The following RAD9B variants were observed in gnomAD, a reference collection of about 807,000 sequenced individuals.
The protein encoded by RAD9B is RAD9 checkpoint clamp component B, also known as cell cycle checkpoint control protein RAD9B.
Under a neutral mutation model 48.3 loss-of-function variants are expected in RAD9B, and 41 were observed. That is an observed-to-expected ratio of 0.85 (90% CI 0.66 to 1.10). RAD9B has a LOEUF of 1.10. Among genes scored for constraint, RAD9B ranks in the 50% least tolerant of loss-of-function variants. The pLI, the probability that RAD9B is intolerant of heterozygous loss-of-function variation, is 0.00. For synonymous variants in RAD9B, 160 were observed against 157.9 expected, an observed-to-expected ratio of 1.01 and a Z score of -0.10; for missense variants, 444 against 485.1, an observed-to-expected ratio of 0.92 and a Z score of 0.80.
In RAD9B at chr12:110,530,877, AAG is replaced by A; in HGVS notation, c.*227_*228del. 1 of 1,272,232 alleles carries A rather than the reference AAG, an allele frequency of 7.9e-7. No homozygotes were observed. The highest frequency in any genetic ancestry group is 2.3e-5 in the South Asian group (1 of 43,364). 78.8% of individuals were successfully genotyped at this position (1,272,232 alleles called of 1,614,324 possible). ...ATCCATTATGCTACTTGTGAGGCAGAAGAGTTTTCTGTGAAGGAAAAAAGCCC... is the reference window on the plus strand; with the variant it reads ...ATCCATTATGCTACTTGTGAGGCAGAAGTTTTCTGTGAAGGAAAAAAGCCC... On this transcript the variant is annotated 3_prime_UTR_variant, in exon 11 of 11. Coordinates refer to ENST00000409300, the MANE Select transcript of RAD9B (RefSeq NM_001286535.2).
At chr12:110,507,681 G>A (rs2063339935) in intron 4 of RAD9B, among the ~76,000 whole-genome samples, 1 of 147,978 alleles carries the variant, frequency 6.8e-6, no homozygotes, top group African/African-American at 2.5e-5. Flanking sequence ...ATGGAGTTTC[G>A]CTCTTGTTGC....
At chr12:110,507,861 G>A (rs1358932565) in intron 4 of RAD9B, among the ~76,000 whole-genome samples, 4 of 151,610 alleles carry the variant, frequency 2.6e-5, no homozygotes, top group Non-Finnish European at 5.9e-5. Context: ...TGTTGGTCAG[G>A]CAGGTCTGAA....
rs770368838 is a variant in RAD9B, at chr12:110,505,765, G to T, written c.266G>T (p.Gly89Val). 2 of 1,611,840 alleles carry T rather than the reference G, an allele frequency of 1.2e-6. No homozygotes were observed. Among genetic ancestry groups the T allele is most frequent in the Non-Finnish European group, 1.7e-6 (2 of 1,178,920 alleles). The change falls in exon 3 of 11, where the codon GGA becomes GTA. Residue 89 changes from glycine (G) to valine (V), a missense_variant. Coordinates refer to ENST00000409300, the MANE Select transcript of RAD9B (RefSeq NM_001286535.2). ...DTTLHLKCKL[G>V]MKSILPIFRC... ...ACACTGCATTTAAAATGCAAATTGGGAATGAAGGTAAATATAAGTGGCCCT... is the reference window on the plus strand; with the variant it reads ...ACACTGCATTTAAAATGCAAATTGGTAATGAAGGTAAATATAAGTGGCCCT...
rs536125097 is a variant in RAD9B, at chr12:110,530,339, G to A, written c.1126-186G>A. On this transcript the variant is annotated intron_variant, in intron 10 of 10. Coordinates refer to ENST00000409300, the MANE Select transcript of RAD9B (RefSeq NM_001286535.2). ...AGATTACAGGCGTGAGCCACCATGCGCGGCCAAGGTTTGGTTTTAGGACGT... is the reference window on the plus strand; with the variant it reads ...AGATTACAGGCGTGAGCCACCATGCACGGCCAAGGTTTGGTTTTAGGACGT... Among the ~76,000 whole-genome samples the A allele has an allele frequency of 1.8e-4, 27 of 152,004 alleles. 1 individual carries two copies. Among genetic ancestry groups the A allele is most frequent in the South Asian group, 6.2e-4 (3 of 4,812 alleles).
At position 110,502,711 on chromosome 12, in the gene RAD9B, G is replaced by A. The variant is rs140144966; in HGVS notation, c.46+328G>A. 3.6e-3 allele frequency: 894 copies of A among 245,336 alleles called. 6 individuals carry two copies. Among genetic ancestry groups the A allele is most frequent in the Middle Eastern group, 0.011 (8 of 734 alleles). The allele number at this position is 245,336 out of a possible 1,614,324, so 15.2% of individuals were successfully genotyped here. A position where few individuals can be genotyped will look rare whatever the true frequency, so the allele number is the denominator to read the frequency against. ...GCTTGGACAGTAAAAGTATTTTTGT[G>A]CCAAGAGAACAGCATTAACCTGGTT... On this transcript the variant is annotated intron_variant, in intron 1 of 10. Transcript: ENST00000409300.
intron 10 of RAD9B, among the ~76,000 whole-genome samples, 162 bp from the exon 11 acceptor site, chr12:110,530,363 G>A (rs1276830002): frequency 6.7e-6 from 1 of 148,330 alleles, no homozygotes; most frequent in African/African-American, 2.6e-5. Flanking sequence ...GTTTTAGGAC[G>A]TGTTGGACCA....
intron 4 of RAD9B, among the ~76,000 whole-genome samples, chr12:110,507,310 C>T (rs904167300): frequency 2.1e-5 from 3 of 144,946 alleles, no homozygotes; most frequent in Non-Finnish European, 4.5e-5. Context: ...ATTGGTTGTT[C>T]TAAAATTTAC....
At chr12:110,527,918 GCC>G (rs1009288626) in intron 10 of RAD9B, among the ~76,000 whole-genome samples, 2 of 152,044 alleles carry the variant, frequency 1.3e-5, no homozygotes, top group African/African-American at 4.8e-5. Context: ...CTGTGCAAAG[GCC>G]CCAGCAGGGG....
At chr12:110,517,926 C>T (rs1315948681) in intron 6 of RAD9B, among the ~76,000 whole-genome samples, 1 of 152,078 alleles carries the variant, frequency 6.6e-6, no homozygotes, top group Non-Finnish European at 1.5e-5. Flanking sequence ...CAGTGGCTCA[C>T]GCCTGTAATC....
At chr12:110,509,839 C>T (rs1459711713) in intron 4 of RAD9B, among the ~76,000 whole-genome samples, 1 of 152,154 alleles carries the variant, frequency 6.6e-6, no homozygotes, top group Non-Finnish European at 1.5e-5. Flanking sequence ...GTAGTTGCTT[C>T]TGTGTAGGTT....
chr12:110,524,264 G>T (rs117396119), intron 10 of RAD9B, among the ~76,000 whole-genome samples: 2,953 of 152,294 alleles, frequency 0.019, 41 homozygotes, highest in Middle Eastern at 0.082. Context: ...GTCAGTGCTT[G>T]ATAAAATTTA....
chr12:110,503,920 A>T (rs141349325), intron 2 of RAD9B, 44 bp downstream of exon 2: 27,289 of 1,180,172 alleles, frequency 0.023, 406 homozygotes, highest in Middle Eastern at 0.082. Context: ...GCAAGAGGAG[A>T]TGTTTAAAGA....
chr12:110,528,415 T>C (rs1274350354), intron 10 of RAD9B, among the ~76,000 whole-genome samples: 1 of 152,174 alleles, frequency 6.6e-6, no homozygotes, highest in Non-Finnish European at 1.5e-5. Flanking sequence ...GTTAAGGGAA[T>C]GCTAATTGCA....
rs1408911013 is a variant in RAD9B, at chr12:110,502,337, G to A, written c.-1G>A. 2 of 1,613,272 alleles carry A rather than the reference G, an allele frequency of 1.2e-6. No homozygotes were observed. The highest frequency in any genetic ancestry group is 2.7e-5 in the African/African-American group (2 of 74,936). On this transcript the variant is annotated 5_prime_UTR_variant, in exon 1 of 11. Coordinates refer to ENST00000409300, the MANE Select transcript of RAD9B (RefSeq NM_001286535.2). ...CCTTCCGAGCCTGCTTTTTAGGGCG[G>A]ATGGCAGCCATGCTGAAGTGCGTGA... is the stretch of plus-strand genomic sequence containing the variant.
chr12:110,516,873 A>G (rs989511964), intron 6 of RAD9B, among the ~76,000 whole-genome samples: 1 of 152,106 alleles, frequency 6.6e-6, no homozygotes, highest in African/African-American at 2.4e-5. Context: ...TACTACTTAT[A>G]TAATTGATAT....
chr12:110,515,128 C>T lies in RAD9B; in HGVS notation c.567C>T (p.Cys189=). 6.4e-7 allele frequency: 1 copy of T among 1,552,178 alleles called. No individual in the cohort carries two copies. Among genetic ancestry groups the T allele is most frequent in the Non-Finnish European group, 8.7e-7 (1 of 1,145,558 alleles). Residue 189 remains cysteine, a synonymous_variant, in exon 6 of 11, where the codon TGC becomes TGT. Coordinates refer to ENST00000409300, the MANE Select transcript of RAD9B (RefSeq NM_001286535.2). ...VTLAVTPLNF[C]LKSSNEESMD... ...TTGCTGTTACTCCACTGAATTTTTG[C>T]CTCAAGAGTTCTAATGAGGAATCAA...
At chr12:110,528,679 G>C (rs1183370471) in intron 10 of RAD9B, among the ~76,000 whole-genome samples, 1 of 152,244 alleles carries the variant, frequency 6.6e-6, no homozygotes, top group African/African-American at 2.4e-5. Flanking sequence ...GGTAAATTCT[G>C]TTGACCATAA....
At chr12:110,528,223 A>C (rs1161716598) in intron 10 of RAD9B, among the ~76,000 whole-genome samples, 1 of 152,048 alleles carries the variant, frequency 6.6e-6, no homozygotes, top group Non-Finnish European at 1.5e-5. Context: ...CATCTGAGAG[A>C]TGGTGATTAC....
In RAD9B at chr12:110,528,589, A is replaced by T. The variant is rs558911244; in HGVS notation, c.1126-1936A>T. ...CAAGCTGGCTGAGCTGAGATTAGCC[A>T]GGAGAGTGCGGCATGAGAAAGATGT... is the stretch of plus-strand genomic sequence containing the variant. On this transcript the variant is annotated intron_variant, in intron 10 of 10. Transcript: ENST00000409300. Among the ~76,000 whole-genome samples, 11 of 152,348 alleles carry T rather than the reference A, an allele frequency of 7.2e-5. No homozygotes were observed. The East Asian group carries it at 1.9e-3, about 27-fold the overall frequency.
Sources: gnomAD v4.1 joint callset for allele counts (sites outside exome capture counted in the v4.1 genomes callset) on GRCh38, gnomAD v4.1.1 for gene constraint, MANE v1.5 for transcripts, NCBI Gene and HGNC (gene_info 2026-07-23, HGNC 2026-07-21) for gene names.